Variants in CAMTA1 observed in about 807,000 individuals in gnomAD.
CAMTA1 encodes calmodulin binding transcription activator 1, also known as calmodulin-binding transcription activator 1.
Under a neutral mutation model 170.9 loss-of-function variants are expected in CAMTA1, and 27 were observed. The ratio of observed to expected loss-of-function variants is 0.16; its 90% CI spans 0.12 to 0.22. The LOEUF (loss-of-function observed/expected upper bound fraction) is 0.22, where lower values mean the gene tolerates loss of function less well. Among genes scored for constraint, CAMTA1 ranks in the 10% least tolerant of loss-of-function variants. CAMTA1 has a pLI of 1.00. For missense variants in CAMTA1, 1,619 were observed against 2,217.2 expected (o/e 0.73, Z 5.42); for synonymous variants, 833 against 891.5 (o/e 0.93, Z 1.17).
At chr1:7,034,496 G>A (rs1467655098) in intron 3 of CAMTA1, among the ~76,000 whole-genome samples, 1 of 152,232 alleles carries the variant, frequency 6.6e-6, no homozygotes, top group African/African-American at 2.4e-5. Context: ...CAAGGCCTGA[G>A]ATAGTTTCCT....
intron 3 of CAMTA1, among the ~76,000 whole-genome samples, chr1:6,963,204 CGCCCCTTTGG>C (rs1690825761): frequency 6.8e-6 from 1 of 148,048 alleles, no homozygotes; most frequent in Non-Finnish European, 1.5e-5. Context: ...TCACCCGCCC[CGCCCCTTTGG>C]AACTACCCAT....
intron 4 of CAMTA1, among the ~76,000 whole-genome samples, chr1:7,128,659 ATTT>A (rs753333323): frequency 7.1e-6 from 1 of 140,468 alleles, no homozygotes; most frequent in Non-Finnish European, 1.6e-5. Context: ...GATTAGCCCT[ATTT>A]TTTTTTTTTT....
At chr1:7,051,476 C>T (rs926871394) in intron 3 of CAMTA1, among the ~76,000 whole-genome samples, 1 of 152,230 alleles carries the variant, frequency 6.6e-6, no homozygotes, top group African/African-American at 2.4e-5. Flanking sequence ...ACGGAGACCT[C>T]TGGTTCCTCT....
chr1:7,704,990 G>C (rs1360480868), intron 11 of CAMTA1, among the ~76,000 whole-genome samples: 1 of 67,686 alleles, frequency 1.5e-5, no homozygotes, highest in Non-Finnish European at 3.2e-5. Context: ...GGGCCGGGGC[G>C]TGGGGACACG....
Position 7,603,361 on chromosome 1 carries a change from G to A in CAMTA1, c.511-37039G>A, listed in dbSNP as rs2095461843. 3.9e-5 allele frequency among the ~76,000 whole-genome samples: 6 copies of A among 152,156 alleles called. No homozygotes were observed. The South Asian group carries it at 1.2e-3, about 32-fold the overall frequency. ...CTAAGGACTTGCTTTATGAATCTGGGTGCTCCTGTATTGGGTGCATATTAT... is the reference window on the plus strand; with the variant it reads ...CTAAGGACTTGCTTTATGAATCTGGATGCTCCTGTATTGGGTGCATATTAT... On this transcript the variant is annotated intron_variant, in intron 6 of 22. Transcript: ENST00000303635.
rs1311947863 is a variant in CAMTA1, at chr1:7,146,016, A to T, written c.302+54645A>T. Among the ~76,000 whole-genome samples, 3 of 152,184 alleles carry T rather than the reference A, an allele frequency of 2.0e-5. No homozygotes were observed. Among genetic ancestry groups the T allele is most frequent in the Admixed American group, 2.0e-4 (3 of 15,288 alleles). On this transcript the variant is annotated intron_variant, in intron 4 of 22. Coordinates refer to ENST00000303635, the MANE Select transcript of CAMTA1 (RefSeq NM_015215.4). The surrounding 1 kb of genome is among the most constrained non-coding windows in gnomAD (Gnocchi z 4.3). Reference sequence around the variant, plus strand: ...CTCAACCGTCTAGGTGGTGGCATGCATGAATGATAGCTTCTATTTACTGAA... The same window carrying T: ...CTCAACCGTCTAGGTGGTGGCATGCTTGAATGATAGCTTCTATTTACTGAA...
At chr1:7,103,819 C>G (rs1334689347) in intron 4 of CAMTA1, among the ~76,000 whole-genome samples, 5 of 112,060 alleles carry the variant, frequency 4.5e-5, no homozygotes, top group Non-Finnish European at 7.0e-5. Flanking sequence ...TACAACTACA[C>G]ACATGCACAC....
chr1:7,333,919 T>C lies in CAMTA1; in HGVS notation c.438+84293T>C, dbSNP rs1422870185. ...ACATTTATCAAGGAAAGAGGTGGGG[T>C]TGGAAACTGCCAAGCAGCAGGGCCG... is the stretch of plus-strand genomic sequence containing the variant. On this transcript the variant is annotated intron_variant, in intron 5 of 22. Coordinates refer to ENST00000303635, the MANE Select transcript of CAMTA1 (RefSeq NM_015215.4). The surrounding 1 kb of genome is among the most constrained non-coding windows in gnomAD (Gnocchi z 4.4). Among the ~76,000 whole-genome samples the C allele has an allele frequency of 6.6e-6, 1 of 151,900 alleles. No homozygotes were observed. The highest frequency in any genetic ancestry group is 1.9e-4 in the East Asian group (1 of 5,176).
At chr1:7,546,281 G>A (rs1163439400) in intron 6 of CAMTA1, among the ~76,000 whole-genome samples, 2 of 152,154 alleles carry the variant, frequency 1.3e-5, no homozygotes, top group Non-Finnish European at 2.9e-5. Context: ...GGATTAGTTT[G>A]CTGAGGATAA....
intron 4 of CAMTA1, among the ~76,000 whole-genome samples, chr1:7,175,576 A>T (rs1449339253): frequency 6.6e-6 from 1 of 152,264 alleles, no homozygotes; most frequent in East Asian, 1.9e-4. Context: ...TAGTGCAGGA[A>T]TTGCGTGGGG....
chr1:6,919,806 T>A (rs185569807), intron 3 of CAMTA1, among the ~76,000 whole-genome samples: 7 of 152,248 alleles, frequency 4.6e-5, no homozygotes, highest in Non-Finnish European at 8.8e-5. Flanking sequence ...AACTCCCCCT[T>A]ATAATACTGT....
At chr1:7,139,125 T>C (rs981047867) in intron 4 of CAMTA1, among the ~76,000 whole-genome samples, 1 of 111,152 alleles carries the variant, frequency 9.0e-6, no homozygotes, top group Admixed American at 9.7e-5. Flanking sequence ...AAATATATTT[T>C]TATAAATATA....
rs562439141 is a variant in CAMTA1 at position 7,052,837 on chromosome 1, A to G, written c.235-38467A>G. ...CCCTCGACCCTCCTCCGTGCTGTCA[A>G]TCCATCCCTGTCTGGCTCTCTGGTC... On this transcript the variant is annotated intron_variant, in intron 3 of 22. Transcript: ENST00000303635. 3.3e-4 allele frequency among the ~76,000 whole-genome samples: 50 copies of G among 152,114 alleles called. 1 individual carries two copies. The highest frequency in any genetic ancestry group is 3.4e-3 in the Middle Eastern group (1 of 294).
intron 4 of CAMTA1, among the ~76,000 whole-genome samples, chr1:7,182,534 G>A (rs994200364): frequency 6.6e-6 from 1 of 151,028 alleles, no homozygotes; most frequent in African/African-American, 2.4e-5. Flanking sequence ...AAACATGGGT[G>A]AGCTTTTCTG....
chr1:7,154,595 C>T (rs72859229), intron 4 of CAMTA1, among the ~76,000 whole-genome samples: 5,372 of 152,224 alleles, frequency 0.035, 184 homozygotes, highest in African/African-American at 0.093. Flanking sequence ...GCGTGTGATA[C>T]TTGCTCTAAA....
intron 5 of CAMTA1, among the ~76,000 whole-genome samples, chr1:7,436,319 A>G (rs1355824376): frequency 6.6e-6 from 1 of 152,164 alleles, no homozygotes; most frequent in East Asian, 1.9e-4. Context: ...TGGTTCCAGC[A>G]TGGGATTGTT....
rs11120830 is a variant in CAMTA1, at chr1:7,064,073, T to C, written c.235-27231T>C. On this transcript the variant is annotated intron_variant, in intron 3 of 22. Coordinates refer to ENST00000303635, the MANE Select transcript of CAMTA1 (RefSeq NM_015215.4). This position sits in a 1 kb window ranked among gnomAD's most constrained non-coding sequence, Gnocchi z 5.4. ...GGGAGCCTTTGCCTTCACCTTCTCC[T>C]CCTCCTCCTCCTCCTTCTTCTCCTC... Among the ~76,000 whole-genome samples, 6,840 of 151,860 alleles carry C rather than the reference T, an allele frequency of 0.045. 509 individuals are homozygous for C. The highest frequency in any genetic ancestry group is 0.16 in the African/African-American group (6,500 of 41,322).
chr1:7,435,599 G>T lies in CAMTA1; in HGVS notation c.439-32231G>T, dbSNP rs1433593476. ...GCAGTGGAGCGCAGTCCCCATGCTT[G>T]GGGAAAGTCCCCCAGCTTTGGCGGA... On this transcript the variant is annotated intron_variant, in intron 5 of 22. Transcript: ENST00000303635. This position sits in a 1 kb window ranked among gnomAD's most constrained non-coding sequence, Gnocchi z 4.4. 1.3e-5 allele frequency among the ~76,000 whole-genome samples: 2 copies of T among 152,310 alleles called. No individual in the cohort carries two copies. Among genetic ancestry groups the T allele is most frequent in the African/African-American group, 4.8e-5 (2 of 41,566 alleles).
At chr1:6,810,231 G>T (rs1163803854) in intron 1 of CAMTA1, among the ~76,000 whole-genome samples, 1 of 152,190 alleles carries the variant, frequency 6.6e-6, no homozygotes, top group East Asian at 1.9e-4. Flanking sequence ...GAAACCTCTG[G>T]TAGGGGAGGA....
Sources: gnomAD v4.1 joint callset for allele counts (sites outside exome capture counted in the v4.1 genomes callset) on GRCh38, gnomAD v4.1.1 for gene constraint, Gnocchi (gnomAD v3.1) non-coding constraint, MANE v1.5 for transcripts, NCBI Gene and HGNC (gene_info 2026-07-23, HGNC 2026-07-21) for gene names.